ASH1L: variants seen among roughly 807,000 people sequenced by gnomAD.
ASH1L encodes histone-lysine N-methyltransferase ASH1L.
ASH1L carries 23 observed loss-of-function variants against 269.0 expected under a neutral mutation model. The ratio of observed to expected loss-of-function variants is 0.09; its 90% CI spans 0.06 to 0.12. The LOEUF is 0.12. Ranked by LOEUF, ASH1L falls within the 10% of genes least tolerant of loss-of-function variation. The pLI, the probability that ASH1L is intolerant of heterozygous loss-of-function variation, is 1.00. For synonymous variants in ASH1L, 1,187 were observed against 1,253.5 expected (o/e 0.95, Z 1.12); for missense variants, 2,912 against 3,567.8 (o/e 0.82, Z 4.68).
chr1:155,403,867 G>A (rs1222488902), intron 6 of ASH1L, among the ~76,000 whole-genome samples: 4 of 150,216 alleles, frequency 2.7e-5, no homozygotes, highest in African/African-American at 4.9e-5. Context: ...TCCTGCTGCA[G>A]CCAATAAAGG....
intron 5 of ASH1L, among the ~76,000 whole-genome samples, chr1:155,420,285 A>G (rs1660562847): frequency 6.6e-6 from 1 of 150,552 alleles, no homozygotes; most frequent in Non-Finnish European, 1.5e-5. Flanking sequence ...AAATGGTTCC[A>G]TCTTGGCTGG....
In ASH1L at chr1:155,555,230, C is replaced by G. The variant is rs1295742310; in HGVS notation, c.-100+6923G>C. 3.3e-5 allele frequency among the ~76,000 whole-genome samples: 5 copies of G among 151,490 alleles called. No homozygotes were observed. In the East Asian group the frequency reaches 9.7e-4, roughly 29 times the overall value. ...TTAAACACACAGGCCAGTGCAGTGG[C>G]TCACACCTGTAATGCCAACAGTTTG... On this transcript the variant is annotated intron_variant, in intron 1 of 27. Transcript: ENST00000392403.
chr1:155,434,301 G>A, intron 5 of ASH1L: 1 of 1,571,048 alleles, frequency 6.4e-7, no homozygotes, highest in Non-Finnish European at 8.6e-7. Context: ...AGGGGGAGGG[G>A]AGGAGCTAGG....
intron 5 of ASH1L, chr1:155,433,712 G>T (rs1427740618): frequency 1.2e-6 from 2 of 1,600,724 alleles, no homozygotes; most frequent in East Asian, 4.5e-5. Context: ...ATTTGGGAAG[G>T]TGTTCAGCCA....
intron 1 of ASH1L, among the ~76,000 whole-genome samples, chr1:155,553,065 A>G (rs558603616): frequency 6.6e-6 from 1 of 152,206 alleles, no homozygotes; most frequent in Admixed American, 6.5e-5. Flanking sequence ...ATTACAGTCA[A>G]TAAGTTAGCA....
chr1:155,465,963 T>C (rs1376459248), intron 3 of ASH1L, among the ~76,000 whole-genome samples: 1 of 152,164 alleles, frequency 6.6e-6, no homozygotes, highest in Non-Finnish European at 1.5e-5. Context: ...TTTTCAATTG[T>C]GGGAAATACA....
At chr1:155,434,299 G>C in intron 5 of ASH1L, 1 of 1,574,968 alleles carries the variant, frequency 6.3e-7, no homozygotes, top group Non-Finnish European at 8.6e-7. Context: ...ACAGGGGGAG[G>C]GGAGGAGCTA....
At chr1:155,426,131 C>T (rs1257774170) in intron 5 of ASH1L, among the ~76,000 whole-genome samples, 1 of 152,078 alleles carries the variant, frequency 6.6e-6, no homozygotes, top group Non-Finnish European at 1.5e-5. Flanking sequence ...ATGGCACGAT[C>T]TTGGCTCACT....
At chr1:155,535,553 A>G (rs1669996731) in intron 1 of ASH1L, among the ~76,000 whole-genome samples, 1 of 151,928 alleles carries the variant, frequency 6.6e-6, no homozygotes, top group South Asian at 2.1e-4. Context: ...GGCCAAGGCA[A>G]TAGGACTGCT....
intron 8 of ASH1L, among the ~76,000 whole-genome samples, chr1:155,379,428 C>A (rs184235873): frequency 6.6e-6 from 1 of 152,170 alleles, no homozygotes; most frequent in Admixed American, 6.5e-5. Context: ...ACCTCAATTG[C>A]ATGACTATTT....
intron 4 of ASH1L, among the ~76,000 whole-genome samples, chr1:155,458,187 A>G (rs1408932101): frequency 1.3e-5 from 2 of 152,242 alleles, no homozygotes; most frequent in Non-Finnish European, 2.9e-5. Flanking sequence ...AGATACAACT[A>G]TCACTTGCTG....
Position 155,480,821 on chromosome 1 carries a change from T to C in ASH1L, c.2049A>G (p.Lys683=). Residue 683 remains lysine, a synonymous_variant, in exon 3 of 28, where the codon AAA becomes AAG. Transcript: ENST00000392403. ...TGTCTGATGCAGATACTGCACCCAG[T>C]TTTAAAAAAGGCTTATTACTAAATA... is the stretch of plus-strand genomic sequence containing the variant. ...TSLFSNKPFL[K]LGAVSASDKH... 1 of 1,613,944 alleles carries C rather than the reference T, an allele frequency of 6.2e-7. No individual in the cohort carries two copies.
At chr1:155,477,659 T>C (rs1665658499) in intron 3 of ASH1L, among the ~76,000 whole-genome samples, 1 of 152,150 alleles carries the variant, frequency 6.6e-6, no homozygotes, top group African/African-American at 2.4e-5. Context: ...TTATGTATAT[T>C]TCTTTCTTTT....
At chr1:155,380,930 G>A (rs573821163) in intron 7 of ASH1L, among the ~76,000 whole-genome samples, 2 of 151,694 alleles carry the variant, frequency 1.3e-5, no homozygotes, top group South Asian at 2.1e-4. Context: ...ATGAGCCACC[G>A]CACCTGGCCA....
intron 2 of ASH1L, among the ~76,000 whole-genome samples, chr1:155,493,499 C>T (rs566731590): frequency 6.6e-6 from 1 of 152,258 alleles, no homozygotes; most frequent in Non-Finnish European, 1.5e-5. Flanking sequence ...TTACAGAATA[C>T]TTTCTAACTA....
At chr1:155,360,256 G>T in intron 13 of ASH1L, 45 bp downstream of exon 13, 1 of 1,271,196 alleles carries the variant, frequency 7.9e-7, no homozygotes, top group Non-Finnish European at 1.1e-6. Context: ...TTACAGCATT[G>T]TAAGGGATAA....
rs149923317 is a variant in ASH1L, at chr1:155,414,558, C to T, written c.6008+1186G>A. On this transcript the variant is annotated intron_variant, in intron 6 of 27. Transcript: ENST00000392403. Reference sequence around the variant, plus strand: ...TCCCAACCTCAGGTGATCCACCCGCCCTGGCCTCCCAAAGTGTTGGGATTA... The same window carrying T: ...TCCCAACCTCAGGTGATCCACCCGCTCTGGCCTCCCAAAGTGTTGGGATTA... Among the ~76,000 whole-genome samples, 833 of 152,274 alleles carry T rather than the reference C, an allele frequency of 5.5e-3. 5 individuals are homozygous for T. Among genetic ancestry groups the T allele is most frequent in the Non-Finnish European group, 9.1e-3 (617 of 68,036 alleles).
At chr1:155,492,784 T>A (rs1471860624) in intron 2 of ASH1L, among the ~76,000 whole-genome samples, 3 of 152,114 alleles carry the variant, frequency 2.0e-5, no homozygotes, top group Non-Finnish European at 4.4e-5. Flanking sequence ...TTCTCTATTT[T>A]ATTTACAACA....
At chr1:155,465,902 T>C (rs1297301964) in intron 3 of ASH1L, among the ~76,000 whole-genome samples, 1 of 152,170 alleles carries the variant, frequency 6.6e-6, no homozygotes, top group Non-Finnish European at 1.5e-5. Context: ...AACCTTCTTG[T>C]GAATGAGCTG....
Sources: gnomAD v4.1 joint callset for allele counts (sites outside exome capture counted in the v4.1 genomes callset) on GRCh38, gnomAD v4.1.1 for gene constraint, MANE v1.5 for transcripts, NCBI Gene and HGNC (gene_info 2026-07-23, HGNC 2026-07-21) for gene names.